The following KLHL2 variants were observed in gnomAD, a reference collection of about 807,000 sequenced individuals.
KLHL2 encodes the protein kelch-like protein 2.
In KLHL2, 15 loss-of-function variants were observed where a neutral mutation model predicts 75.8. That is an observed-to-expected ratio of 0.20 (90% confidence interval 0.13 to 0.30). KLHL2 has a LOEUF of 0.30. Among genes scored for constraint, KLHL2 ranks in the 10% least tolerant of loss-of-function variants. The pLI, the probability that KLHL2 is intolerant of heterozygous loss-of-function variation, is 1.00. For missense variants in KLHL2, 381 were observed against 741.0 expected (o/e 0.51, Z 5.64); for synonymous variants, 214 against 251.9 (o/e 0.85, Z 1.42).
chr4:165,283,397 A>G (rs929065812), intron 5 of KLHL2, among the ~76,000 whole-genome samples: 3 of 152,242 alleles, frequency 2.0e-5, no homozygotes, highest in African/African-American at 7.2e-5. Context: ...ATGGGGATAC[A>G]AGCATTGGGT....
At chr4:165,306,708 TC>T (rs111559752) in intron 9 of KLHL2, among the ~76,000 whole-genome samples, 37,272 of 152,106 alleles carry the variant, frequency 0.25, 5,208 homozygotes, top group Middle Eastern at 0.34. Context: ...TATCTTTCTC[TC>T]TGAATTGTCA....
At position 165,299,557 on chromosome 4, in the gene KLHL2, C is replaced by T. The variant is rs764698254; in HGVS notation, c.822C>T (p.Tyr274=). 6.2e-7 allele frequency: 1 copy of T among 1,613,578 alleles called. No individual in the cohort carries two copies. The highest frequency in any genetic ancestry group is 1.3e-5 in the African/African-American group (1 of 74,888). ...LVKNSSACKD[Y]LIEAMKYHLL... is the part of the protein sequence containing the mutation. ...AGAATAGCAGTGCTTGCAAAGATTA[C>T]CTCATTGAAGCAATGAAGTACCATT... Residue 274 remains tyrosine, a synonymous_variant, in exon 8 of 15, where the codon TAC becomes TAT. Coordinates refer to ENST00000226725, the MANE Select transcript of KLHL2 (RefSeq NM_007246.4).
intron 1 of KLHL2, chr4:165,209,388 A>G (rs1419330863): frequency 1.3e-5 from 2 of 152,222 alleles, no homozygotes; most frequent in African/African-American, 2.4e-5. Context: ...CCTTCTACAT[A>G]AGTTCCTGCA....
rs773256058 is a variant in KLHL2, at chr4:165,278,838, A to G, written c.544+15479A>G. On this transcript the variant is annotated intron_variant, in intron 5 of 14. Transcript: ENST00000226725. ...GTATTTTTGGCTTGTCCAATCTGGA[A>G]GCACATTTGTCCCACCAGTGCAGCA... 2.7e-5 allele frequency: 42 copies of G among 1,539,178 alleles called. 2 individuals carry two copies. In the South Asian group the frequency reaches 4.7e-4, roughly 17 times the overall value.
intron 3 of KLHL2, among the ~76,000 whole-genome samples, chr4:165,232,604 C>T (rs1443916759): frequency 6.6e-6 from 1 of 151,514 alleles, no homozygotes; most frequent in Non-Finnish European, 1.5e-5. Flanking sequence ...CATGGTCACA[C>T]GTGCCTGTAT....
At chr4:165,261,849 C>G (rs1467724458) in intron 4 of KLHL2, among the ~76,000 whole-genome samples, 1 of 152,140 alleles carries the variant, frequency 6.6e-6, no homozygotes, top group Non-Finnish European at 1.5e-5. Context: ...TCATAAACCA[C>G]TATTATTTTT....
chr4:165,278,926 A>G (rs1229864055), intron 5 of KLHL2: 8 of 1,426,168 alleles, frequency 5.6e-6, no homozygotes, highest in Middle Eastern at 1.7e-4. Flanking sequence ...TCATTAGGCC[A>G]TAGATCTCAG....
At chr4:165,272,364 C>T (rs9997551) in intron 5 of KLHL2, among the ~76,000 whole-genome samples, 20,357 of 151,926 alleles carry the variant, frequency 0.13, 1,620 homozygotes, top group African/African-American at 0.21. Context: ...CCAATGCAAG[C>T]AATTCTGTTC....
intron 4 of KLHL2, among the ~76,000 whole-genome samples, chr4:165,245,157 A>G (rs1256737507): frequency 6.6e-6 from 1 of 152,152 alleles, no homozygotes; most frequent in Non-Finnish European, 1.5e-5. Flanking sequence ...GCAGTAAACG[A>G]AGATCGCACC....
intron 2 of KLHL2, among the ~76,000 whole-genome samples, chr4:165,227,900 CT>C (rs557385631): frequency 4.0e-3 from 484 of 121,084 alleles, no homozygotes; most frequent in Admixed American, 4.2e-3. Flanking sequence ...TAACAAAATG[CT>C]TTTTTTTTTT....
At chr4:165,235,143 G>A (rs1739229464) in intron 3 of KLHL2, among the ~76,000 whole-genome samples, 1 of 152,234 alleles carries the variant, frequency 6.6e-6, no homozygotes, top group South Asian at 2.1e-4. Flanking sequence ...AGTGCCATTA[G>A]TTACGTTAAG....
Position 165,314,071 on chromosome 4 carries a change from A to C in KLHL2, c.1514A>C (p.Asp505Ala). ...TTATTGTATGCTGTAGGAGGTCATGATGGCCCTTTAGTACGAAAAAGTGTT... is the reference window on the plus strand; with the variant it reads ...TTATTGTATGCTGTAGGAGGTCATGCTGGCCCTTTAGTACGAAAAAGTGTT... ...NNLLYAVGGH[D>A]GPLVRKSVEV... Residue 505 changes from aspartate to alanine, a missense_variant, in exon 13 of 15, where the codon GAT (aspartate) becomes GCT (alanine). This residue lies in a region of KLHL2 where 168 missense variants were observed against 370.4 expected (regional missense o/e 0.45). Transcript: ENST00000226725. The C allele has an allele frequency of 6.2e-7, 1 of 1,613,818 alleles. No homozygotes were observed. The highest frequency in any genetic ancestry group is 8.5e-7 in the Non-Finnish European group (1 of 1,179,784).
intron 4 of KLHL2, among the ~76,000 whole-genome samples, chr4:165,241,436 T>G (rs1739810462): frequency 6.6e-6 from 1 of 152,152 alleles, no homozygotes; most frequent in Non-Finnish European, 1.5e-5. Context: ...AAGCTGAAGT[T>G]TTAAGTGGCC....
intron 8 of KLHL2, among the ~76,000 whole-genome samples, 196 bp from the exon 9 acceptor site, chr4:165,305,412 T>C (rs1268786392): frequency 6.6e-6 from 1 of 152,212 alleles, no homozygotes; most frequent in African/African-American, 2.4e-5. Context: ...TGCTGGACGA[T>C]AGAATTGTAT....
At chr4:165,295,931 G>A (rs1744872045) in intron 6 of KLHL2, among the ~76,000 whole-genome samples, 1 of 152,190 alleles carries the variant, frequency 6.6e-6, no homozygotes, top group Non-Finnish European at 1.5e-5. Flanking sequence ...AGCCAGAGGA[G>A]AAAACCATGC....
At chr4:165,276,679 TATAATAAG>T (rs1254199007) in intron 5 of KLHL2, among the ~76,000 whole-genome samples, 1 of 152,192 alleles carries the variant, frequency 6.6e-6, no homozygotes, top group African/African-American at 2.4e-5. Context: ...TTTTTTCAGT[TATAATAAG>T]ATACTAAGCA....
At chr4:165,267,466 A>G (rs1481689290) in intron 5 of KLHL2, among the ~76,000 whole-genome samples, 2 of 152,072 alleles carry the variant, frequency 1.3e-5, no homozygotes, top group African/African-American at 4.8e-5. Flanking sequence ...AATAGCTCTT[A>G]GTATTTTGAG....
At position 165,263,182 on chromosome 4, in the gene KLHL2, A is replaced by G; in HGVS notation, c.382-15A>G. ...TCCACCCAAGTGCCTAAGAATATTG[A>G]TGTGTGTGTTGCAGGTACTTCTCCC... On this transcript the variant is annotated splice_polypyrimidine_tract_variant and intron_variant, in intron 4 of 14. Coordinates refer to ENST00000226725, the MANE Select transcript of KLHL2 (RefSeq NM_007246.4). 6.2e-7 allele frequency: 1 copy of G among 1,611,990 alleles called. No homozygotes were observed.
chr4:165,311,531 A>G lies in KLHL2; in HGVS notation c.1305A>G (p.Thr435=), dbSNP rs759071061. The change falls in exon 11 of 15, where the codon ACA becomes ACG. Residue 435 remains threonine (T), a synonymous_variant. Coordinates refer to ENST00000226725, the MANE Select transcript of KLHL2 (RefSeq NM_007246.4). ...GGTTTCATGTAGCTCCCATGAATAC[A>G]AGGAGGAGCAGTGTTGGTGTGGGTG... ...NEWFHVAPMN[T]RRSSVGVGVV... 4.3e-6 allele frequency: 7 copies of G among 1,613,984 alleles called. No individual in the cohort carries two copies. The highest frequency in any genetic ancestry group is 5.1e-6 in the Non-Finnish European group (6 of 1,179,878).
Sources: gnomAD v4.1 joint callset for allele counts (sites outside exome capture counted in the v4.1 genomes callset) on GRCh38, gnomAD v4.1.1 for gene constraint, gnomAD v4.1.1 regional missense constraint, MANE v1.5 for transcripts, NCBI Gene and HGNC (gene_info 2026-07-23, HGNC 2026-07-21) for gene names.